KNTC1: variants seen among roughly 807,000 people sequenced by gnomAD.
The protein encoded by KNTC1 is kinetochore-associated protein 1.
In KNTC1, 253 loss-of-function variants were observed where a neutral mutation model predicts 314.4. The observed-to-expected ratio is 0.80, with a 90% CI of 0.73 to 0.89. The LOEUF is 0.89. Among genes scored for constraint, KNTC1 ranks in the 40% least tolerant of loss-of-function variants. The pLI is 0.00. For synonymous variants in KNTC1, 901 were observed against 901.4 expected, an observed-to-expected ratio of 1.00 and a Z score of 0.01; for missense variants, 2,475 against 2,572.9, an observed-to-expected ratio of 0.96 and a Z score of 0.82.
intron 20 of KNTC1, among the ~76,000 whole-genome samples, chr12:122,564,724 G>T (rs1473194686): frequency 6.6e-6 from 1 of 151,976 alleles, no homozygotes; most frequent in African/African-American, 2.4e-5. Flanking sequence ...TGCCTGCCTC[G>T]GCCTCCCAAA....
At chr12:122,589,622 T>C (rs61954974) in intron 40 of KNTC1, among the ~76,000 whole-genome samples, 118,196 of 150,994 alleles carry the variant, frequency 0.78, 46,712 homozygotes, top group African/African-American at 0.88. Context: ...GCTGGTGTTT[T>C]ACCATGCCTG....
chr12:122,602,568 G>A lies in KNTC1; in HGVS notation c.4654-1G>A. The stretch of plus-strand genomic sequence containing the variant: ...GACAAAAGTTTTTTATTTTAATATA[G>A]GCATTGAGTATTCTGAAACATTTGA... On this transcript the variant is annotated splice_acceptor_variant, in intron 45 of 63. Transcript: ENST00000333479. LOFTEE classifies it high-confidence loss of function. 6.3e-7 allele frequency: 1 copy of A among 1,592,610 alleles called. No individual in the cohort carries two copies. Among genetic ancestry groups the A allele is most frequent in the Non-Finnish European group, 8.6e-7 (1 of 1,164,644 alleles).
chr12:122,591,382 A>G lies in KNTC1; in HGVS notation c.4174A>G (p.Ile1392Val), dbSNP rs773082639. ...GSELASLYQEIEMGLKFRELS... is the reference protein window; with the variant it reads ...GSELASLYQEVEMGLKFRELS... The stretch of plus-strand genomic sequence containing the variant: ...TGAGCTGGCAAGTCTCTATCAGGAA[A>G]TAGAAATGGGGCTTAAGTTCCGTGA... The change falls in exon 42 of 64, where the codon ATA becomes GTA. Residue 1392 changes from isoleucine (I) to valine (V), a missense_variant. By Grantham distance (29) the Ile-to-Val change is conservative. Transcript: ENST00000333479. 1.2e-6 allele frequency: 2 copies of G among 1,612,384 alleles called. No homozygotes were observed. Among genetic ancestry groups the G allele is most frequent in the East Asian group, 2.2e-5 (1 of 44,854 alleles).
intron 20 of KNTC1, among the ~76,000 whole-genome samples, chr12:122,564,737 G>A (rs1175626086): frequency 2.6e-5 from 4 of 152,152 alleles, no homozygotes; most frequent in African/African-American, 9.7e-5. Flanking sequence ...CTCCCAAAGT[G>A]CTGGGATTAC....
chr12:122,569,679 A>G lies in KNTC1; in HGVS notation c.1717-2A>G, dbSNP rs1459373967. On this transcript the variant is annotated splice_acceptor_variant, in intron 21 of 63. Transcript: ENST00000333479. LOFTEE classifies it high-confidence loss of function. Reference sequence around the variant, plus strand: ...CTTAATTTCTCGCTCCTTATAATTTAGGCAAACTTTGAAAGCAGATTTGAT... The same window carrying G: ...CTTAATTTCTCGCTCCTTATAATTTGGGCAAACTTTGAAAGCAGATTTGAT... 2 of 1,607,266 alleles carry G rather than the reference A, an allele frequency of 1.2e-6. No homozygotes were observed. The highest frequency in any genetic ancestry group is 8.5e-7 in the Non-Finnish European group (1 of 1,176,954).
chr12:122,592,414 C>T (rs942738251), intron 42 of KNTC1, among the ~76,000 whole-genome samples: 1 of 152,224 alleles, frequency 6.6e-6, no homozygotes, highest in Non-Finnish European at 1.5e-5. Context: ...TGTGAGCGCA[C>T]GGCACGGGAC....
At chr12:122,541,155 C>T (rs1039426033) in intron 5 of KNTC1, among the ~76,000 whole-genome samples, 2 of 151,730 alleles carry the variant, frequency 1.3e-5, no homozygotes, top group African/African-American at 2.4e-5. Context: ...CCATTGCACT[C>T]CAGCCTGGGA....
intron 18 of KNTC1, among the ~76,000 whole-genome samples, chr12:122,561,713 C>T (rs1487503734): frequency 1.3e-5 from 2 of 152,122 alleles, no homozygotes; most frequent in East Asian, 3.9e-4. Context: ...CTCAGCCTTC[C>T]AAAGTGCTAG....
At chr12:122,614,004 T>G (rs1873479149) in intron 55 of KNTC1, among the ~76,000 whole-genome samples, 1 of 152,138 alleles carries the variant, frequency 6.6e-6, no homozygotes, top group African/African-American at 2.4e-5. Context: ...CTAATTTTTG[T>G]ATTTTTAGTA....
chr12:122,624,422 C>T (rs1874786710), intron 62 of KNTC1, among the ~76,000 whole-genome samples, 176 bp from the exon 63 acceptor site: 1 of 152,172 alleles, frequency 6.6e-6, no homozygotes, highest in South Asian at 2.1e-4. Flanking sequence ...GTGTGCAACA[C>T]CACACCTGGC....
chr12:122,539,784 A>C (rs1565932770), intron 5 of KNTC1, 30 bp downstream of exon 5: 14 of 1,259,930 alleles, frequency 1.1e-5, no homozygotes, highest in Non-Finnish European at 1.5e-5. Flanking sequence ...TTTTTGAATG[A>C]CTTTTTTTTT....
At chr12:122,602,231 T>G (rs533517773) in intron 45 of KNTC1, among the ~76,000 whole-genome samples, 1 of 152,148 alleles carries the variant, frequency 6.6e-6, no homozygotes, top group Non-Finnish European at 1.5e-5. Context: ...CGTAGAGAAT[T>G]TAGATCTGTA....
chr12:122,599,014 A>AT (rs1248514302), intron 44 of KNTC1, among the ~76,000 whole-genome samples: 1 of 151,906 alleles, frequency 6.6e-6, no homozygotes, highest in African/African-American at 2.4e-5. Flanking sequence ...TTAAAAAAAA[A>AT]ATTTTTTTGT....
At chr12:122,554,507 A>G (rs1053614435) in intron 16 of KNTC1, among the ~76,000 whole-genome samples, 1 of 152,214 alleles carries the variant, frequency 6.6e-6, no homozygotes, top group Non-Finnish European at 1.5e-5. Context: ...TGTATTTGGA[A>G]AGACAACAGT....
rs762105934 is a variant in KNTC1 at position 122,561,964 on chromosome 12, G to C, written c.1532G>C (p.Gly511Ala). The change falls in exon 19 of 64, where the codon GGC (glycine) becomes GCC (alanine). Residue 511 changes from glycine (G) to alanine (A), a missense_variant. By Grantham distance (60) the Gly-to-Ala change is moderately conservative. Transcript: ENST00000333479. ...EDKTALIYSD[G>A]LKEVLRAHAK... ...AAAACTGCTCTCATTTATTCTGATGGCTTGAAAGAGGTAATTACACTAGAT... is the reference window on the plus strand; with the variant it reads ...AAAACTGCTCTCATTTATTCTGATGCCTTGAAAGAGGTAATTACACTAGAT... 2.1e-5 allele frequency: 33 copies of C among 1,595,724 alleles called. No homozygotes were observed. Among genetic ancestry groups the C allele is most frequent in the African/African-American group, 5.4e-5 (4 of 74,390 alleles).
chr12:122,561,428 T>A (rs1593544373), intron 18 of KNTC1, among the ~76,000 whole-genome samples: 1 of 152,086 alleles, frequency 6.6e-6, no homozygotes, highest in African/African-American at 2.4e-5. Context: ...CAATGACCTA[T>A]GAGTATTTTT....
At position 122,575,852 on chromosome 12, in the gene KNTC1, C is replaced by T. The variant is rs745858002; in HGVS notation, c.2539C>T (p.Arg847Ter). Residue 847 changes from arginine (R) to a stop codon, truncating the protein, a stop_gained, in exon 29 of 64, where the codon CGA (arginine) becomes TGA (stop). Transcript: ENST00000333479. LOFTEE classifies it high-confidence loss of function. Reference sequence around the variant, plus strand: ...ACTAATGGAGATGAAAAAACTTTTACGAGGCTATGGAATAAGAGAGGTAAA... The same window carrying T: ...ACTAATGGAGATGAAAAAACTTTTATGAGGCTATGGAATAAGAGAGGTAAA... ...YKLMEMKKLL[R>*]GYGIREVNLL... The T allele has an allele frequency of 4.3e-6, 7 of 1,613,296 alleles. No homozygotes were observed. The highest frequency in any genetic ancestry group is 2.7e-5 in the African/African-American group (2 of 74,934).
rs1869708069 is a variant in KNTC1 at position 122,588,607 on chromosome 12, T to G, written c.3895-105T>G. On this transcript the variant is annotated intron_variant, in intron 39 of 63. Transcript: ENST00000333479. ...ACTATAGGTTAAATTCTGATACTTTTTGGATATAATGATGAATTTTCACCA... is the reference window on the plus strand; with the variant it reads ...ACTATAGGTTAAATTCTGATACTTTGTGGATATAATGATGAATTTTCACCA... 6 of 841,950 alleles carry G rather than the reference T, an allele frequency of 7.1e-6. No homozygotes were observed. In the Admixed American group the frequency reaches 2.2e-4, roughly 30 times the overall value. The allele number at this position is 841,950 out of a possible 1,614,324, so 52.2% of individuals were successfully genotyped here.
rs370115959 is a variant in KNTC1, at chr12:122,605,297, A to T, written c.5387-9A>T. ...TGAGTTTTTCTTTTCTTTATTTTGA[A>T]TATCTTAGATATTCATGCAGCAGCT... On this transcript the variant is annotated splice_polypyrimidine_tract_variant and intron_variant, in intron 50 of 63. Transcript: ENST00000333479. 2.8e-5 allele frequency: 43 copies of T among 1,520,378 alleles called. No individual in the cohort carries two copies. The African/African-American group carries it at 4.2e-4, about 15-fold the overall frequency. The allele number at this position is 1,520,378 out of a possible 1,614,324, so 94.2% of individuals were successfully genotyped here.
Sources: gnomAD v4.1 joint callset for allele counts (sites outside exome capture counted in the v4.1 genomes callset) on GRCh38, gnomAD v4.1.1 for gene constraint, MANE v1.5 for transcripts, NCBI Gene and HGNC (gene_info 2026-07-23, HGNC 2026-07-21) for gene names.